ARHGAP29: variants seen among roughly 807,000 people sequenced by gnomAD.
ARHGAP29 encodes rho GTPase-activating protein 29.
A neutral mutation model predicts 122.6 loss-of-function variants in ARHGAP29; 43 were observed. The observed-to-expected ratio is 0.35, with a 90% CI of 0.27 to 0.45. The LOEUF (loss-of-function observed/expected upper bound fraction) is 0.45. Among genes scored for constraint, ARHGAP29 ranks in the 20% least tolerant of loss-of-function variants. The probability of loss-of-function intolerance (pLI) is 1.00; values close to 1 mark genes in which losing one functional copy is unlikely to be tolerated. For missense variants in ARHGAP29, 1,303 were observed against 1,477.2 expected (o/e 0.88, Z 1.93); for synonymous variants, 506 against 497.1 (o/e 1.02, Z -0.24).
At chr1:94,225,173 C>G (rs1352609153) in intron 2 of ARHGAP29, among the ~76,000 whole-genome samples, 1 of 152,070 alleles carries the variant, frequency 6.6e-6, no homozygotes, top group Non-Finnish European at 1.5e-5. Context: ...AAAGAAAATT[C>G]CATTTTTACC....
upstream of ARHGAP29, among the ~76,000 whole-genome samples, chr1:94,241,909 T>A (rs1653605331): frequency 1.3e-5 from 2 of 151,448 alleles, no homozygotes; most frequent in African/African-American, 4.9e-5. Context: ...ACAAATGAGG[T>A]AAGCCCCACA....
chr1:94,266,512 C>A (rs979830483), intron 1 of ARHGAP29, among the ~76,000 whole-genome samples: 2 of 152,174 alleles, frequency 1.3e-5, no homozygotes, highest in Non-Finnish European at 2.9e-5. Context: ...CTCCTTACCT[C>A]TTCCATCTCT....
At chr1:94,302,587 C>T in the ARHGAP29 span, 2 of 371,336 alleles carry the variant, frequency 5.4e-6, no homozygotes, top group East Asian at 8.6e-5. Context: ...CTCATGGCCC[C>T]TCTGGGAAAC....
chr1:94,291,771 A>ATAT, the ARHGAP29 span, among the ~76,000 whole-genome samples: 1 of 152,212 alleles, frequency 6.6e-6, no homozygotes, highest in African/African-American at 2.4e-5. Flanking sequence ...AGAATGTTGA[A>ATAT]TATTGGCCCC....
At position 94,202,644 on chromosome 1, in the gene ARHGAP29, C is replaced by G; in HGVS notation, c.1043G>C (p.Arg348Pro). Residue 348 changes from arginine to proline, a missense_variant, in exon 11 of 23, where the codon CGT (arginine) becomes CCT (proline). Physicochemically the swap from Arg to Pro is moderately radical, Grantham distance 103. Coordinates refer to ENST00000260526, the MANE Select transcript of ARHGAP29 (RefSeq NM_004815.4). ...EYEKAKSSMF[R>P]AEEEHLSSSG... ...TGAAGACAGATGCTCCTCTTCTGCACGAAACATGGAAGACTTTGCTTTCTC... is the reference window on the plus strand; with the variant it reads ...TGAAGACAGATGCTCCTCTTCTGCAGGAAACATGGAAGACTTTGCTTTCTC... The G allele has an allele frequency of 2.5e-6, 4 of 1,614,142 alleles. No homozygotes were observed. Among genetic ancestry groups the G allele is most frequent in the Non-Finnish European group, 3.4e-6 (4 of 1,180,016 alleles).
intron 12 of ARHGAP29, 28 bp downstream of exon 12, chr1:94,201,692 C>A: frequency 6.2e-7 from 1 of 1,612,034 alleles, no homozygotes; most frequent in South Asian, 1.1e-5. Flanking sequence ...TTTCTTCTTG[C>A]CTTCAAAATA....
At position 94,174,294 on chromosome 1, in the gene ARHGAP29, C is replaced by T; in HGVS notation, c.3361G>A (p.Ala1121Thr). The T allele has an allele frequency of 6.2e-7, 1 of 1,614,186 alleles. No individual in the cohort carries two copies. The highest frequency in any genetic ancestry group is 8.5e-7 in the Non-Finnish European group (1 of 1,180,036). Reference sequence around the variant, plus strand: ...GCATATGGCTTACTGGGTTGAGTGGCATTGATAGAATGGTCCCCACTAATC... The same window carrying T: ...GCATATGGCTTACTGGGTTGAGTGGTATTGATAGAATGGTCCCCACTAATC... ...LQISGDHSINATQPSKPYAEP... is the reference protein window; with the variant it reads ...LQISGDHSINTTQPSKPYAEP... The change falls in exon 23 of 23, where the codon GCC (alanine) becomes ACC (threonine). Residue 1121 changes from alanine to threonine, a missense_variant. By Grantham distance (58) the Ala-to-Thr change is moderately conservative. This residue lies in a region of ARHGAP29 where 620 missense variants were observed against 651.2 expected (regional missense o/e 0.95). Coordinates refer to ENST00000260526, the MANE Select transcript of ARHGAP29 (RefSeq NM_004815.4).
rs573636895 is a variant in ARHGAP29, at chr1:94,199,475, C to G, written c.1281+2245G>C. ...AGCATGCTGGCCAATGAGAGACTGA[C>G]TCTCTCTGGGCTAGCTAATTCCTAG... On this transcript the variant is annotated intron_variant, in intron 12 of 22. Coordinates refer to ENST00000260526, the MANE Select transcript of ARHGAP29 (RefSeq NM_004815.4). Among the ~76,000 whole-genome samples, 3 of 152,300 alleles carry G rather than the reference C, an allele frequency of 2.0e-5. No individual in the cohort carries two copies. The South Asian group carries it at 6.2e-4, about 32-fold the overall frequency.
chr1:94,202,041 G>A (rs1415486316), intron 11 of ARHGAP29, 184 bp from the exon 12 acceptor site: 4 of 565,338 alleles, frequency 7.1e-6, no homozygotes, highest in Non-Finnish European at 1.2e-5. Context: ...GGACAGCCAT[G>A]TACAATTTAT....
At chr1:94,226,530 G>A (rs1198824261) in intron 2 of ARHGAP29, among the ~76,000 whole-genome samples, 1 of 151,846 alleles carries the variant, frequency 6.6e-6, no homozygotes, top group East Asian at 1.9e-4. Context: ...TAATCACTAT[G>A]ATATATTGCC....
the ARHGAP29 span, chr1:94,302,208 C>T: frequency 3.8e-6 from 1 of 265,674 alleles, no homozygotes; most frequent in Non-Finnish European, 7.5e-6. Flanking sequence ...GCAAGTTCCA[C>T]TGCACCATCA....
At chr1:94,238,521 G>C (rs948853056), upstream of ARHGAP29, among the ~76,000 whole-genome samples, 1 of 152,086 alleles carries the variant, frequency 6.6e-6, no homozygotes, top group Non-Finnish European at 1.5e-5. Flanking sequence ...ACTTACCTCA[G>C]TGCTGGAACA....
intron 3 of ARHGAP29, 85 bp from the exon 4 acceptor site, chr1:94,209,435 C>T: frequency 1.3e-6 from 1 of 775,096 alleles, no homozygotes; most frequent in Non-Finnish European, 2.0e-6. Context: ...AAAACTTCAT[C>T]ATTAGTTCAA....
intron 13 of ARHGAP29, 52 bp from the exon 14 acceptor site, chr1:94,189,404 A>C: frequency 1.3e-6 from 2 of 1,522,704 alleles, no homozygotes; most frequent in Non-Finnish European, 1.8e-6. Flanking sequence ...AAAGAATAAT[A>C]ATCAGTTGAT....
the ARHGAP29 span, among the ~76,000 whole-genome samples, chr1:94,301,332 G>A: frequency 1.6e-4 from 25 of 152,152 alleles, no homozygotes; most frequent in Non-Finnish European, 3.4e-4. Flanking sequence ...GGGGAATCAC[G>A]TTGTAGGGAA....
At chr1:94,305,725 G>C in the ARHGAP29 span, among the ~76,000 whole-genome samples, 1 of 152,190 alleles carries the variant, frequency 6.6e-6, no homozygotes, top group Non-Finnish European at 1.5e-5. Flanking sequence ...TGAATGGAGA[G>C]AGTGGGAATA....
the ARHGAP29 span, among the ~76,000 whole-genome samples, chr1:94,287,660 C>T: frequency 1.3e-5 from 2 of 152,080 alleles, no homozygotes; most frequent in East Asian, 3.9e-4. Flanking sequence ...CAGCTCCCCA[C>T]CCCACAACAG....
rs536998045 is a variant in ARHGAP29 at position 94,256,715 on chromosome 1, C to A, written c.-33+18297G>T. 5.3e-5 allele frequency among the ~76,000 whole-genome samples: 8 copies of A among 150,948 alleles called. No homozygotes were observed. In the South Asian group the frequency reaches 1.7e-3, roughly 32 times the overall value. On this transcript the variant is annotated intron_variant and NMD_transcript_variant, in intron 1 of 25. Transcript: ENST00000552844. ...CTGGGACTACAGGCGCCCACTACCA[C>A]GCCCGGCTAATTTATTGTATTTTTA... is the stretch of plus-strand genomic sequence containing the variant.
intron 12 of ARHGAP29, among the ~76,000 whole-genome samples, chr1:94,198,569 C>A (rs374846432): frequency 6.6e-6 from 1 of 152,178 alleles, no homozygotes; most frequent in African/African-American, 2.4e-5. Flanking sequence ...ACATATAGAC[C>A]ATTCACAATA....
Sources: gnomAD v4.1 joint callset for allele counts (sites outside exome capture counted in the v4.1 genomes callset) on GRCh38, gnomAD v4.1.1 for gene constraint, gnomAD v4.1.1 regional missense constraint, MANE v1.5 for transcripts, NCBI Gene and HGNC (gene_info 2026-07-23, HGNC 2026-07-21) for gene names.